HLCS: variants seen among roughly 807,000 people sequenced by gnomAD.
The protein encoded by HLCS is biotin--protein ligase.
HLCS carries 53 observed loss-of-function variants against 75.0 expected under a neutral mutation model. The ratio of observed to expected loss-of-function variants is 0.71; its 90% CI spans 0.57 to 0.89. The LOEUF (loss-of-function observed/expected upper bound fraction) is 0.89, where lower values mean the gene tolerates loss of function less well. Ranked by LOEUF, HLCS falls within the 40% of genes least tolerant of loss-of-function variation. HLCS has a pLI of 0.00. For missense variants in HLCS, 966 were observed against 1,074.0 expected (o/e 0.90, Z 1.41); for synonymous variants, 431 against 428.6 (o/e 1.01, Z -0.07).
At position 36,935,602 on chromosome 21, in the gene HLCS, C is replaced by T. The variant is rs150033101; in HGVS notation, c.1437+847G>A. On this transcript the variant is annotated intron_variant, in intron 4 of 10. Transcript: ENST00000674895. ...CTTCTGGACAAAATATCTACATCTG[C>T]GTAGTTTTCTCATTAGAGCATCAAA... is the stretch of plus-strand genomic sequence containing the variant. Among the ~76,000 whole-genome samples the T allele has an allele frequency of 1.1e-4, 17 of 152,282 alleles. No homozygotes were observed. In the East Asian group the frequency reaches 2.5e-3, roughly 22 times the overall value.
chr21:36,911,753 A>C (rs2065722618), intron 5 of HLCS, among the ~76,000 whole-genome samples: 1 of 149,550 alleles, frequency 6.7e-6, no homozygotes, highest in African/African-American at 2.4e-5. Context: ...CGTCTCAAAA[A>C]AAAAAAAAAA....
intron 6 of HLCS, among the ~76,000 whole-genome samples, chr21:36,818,338 A>G (rs2145989219): frequency 6.6e-6 from 1 of 152,350 alleles, no homozygotes; most frequent in East Asian, 1.9e-4. Flanking sequence ...AATGAGAACT[A>G]AAATGCATTA....
In HLCS at chr21:36,899,030, C is replaced by T. The variant is rs2065129521; in HGVS notation, c.1621-1899G>A. Among the ~76,000 whole-genome samples, 2 of 152,128 alleles carry T rather than the reference C, an allele frequency of 1.3e-5. 1 individual carries two copies. Among genetic ancestry groups the T allele is most frequent in the South Asian group, 4.2e-4 (2 of 4,816 alleles). ...GAGCCAAGATGGCGCCACTGCACTC[C>T]AGCCTGAGTGACAGAACCAAACCCT... is the stretch of plus-strand genomic sequence containing the variant. On this transcript the variant is annotated intron_variant, in intron 5 of 10. Transcript: ENST00000674895.
intron 5 of HLCS, among the ~76,000 whole-genome samples, chr21:36,912,569 A>G (rs1331567179): frequency 6.6e-6 from 1 of 152,202 alleles, no homozygotes; most frequent in East Asian, 1.9e-4. Context: ...GGAAATATAG[A>G]GTGAAAATGG....
At chr21:36,766,737 C>T (rs539596871) in intron 7 of HLCS, among the ~76,000 whole-genome samples, 90 of 152,198 alleles carry the variant, frequency 5.9e-4, no homozygotes, top group Non-Finnish European at 5.0e-4. Context: ...CAGCGCTCTG[C>T]TTCTCTGTGG....
intron 6 of HLCS, 104 bp from the exon 7 acceptor site, chr21:36,767,389 G>C: frequency 2.6e-6 from 3 of 1,144,564 alleles, no homozygotes; most frequent in Non-Finnish European, 4.0e-6. Flanking sequence ...GGGGGTGTGT[G>C]GCCATGGAAG....
intron 6 of HLCS, among the ~76,000 whole-genome samples, chr21:36,767,983 T>A (rs1158129626): frequency 6.6e-6 from 1 of 151,806 alleles, no homozygotes; most frequent in Non-Finnish European, 1.5e-5. Flanking sequence ...GATATTAACT[T>A]TTTTTCAAAA....
In HLCS at chr21:36,765,117, G is replaced by C; in HGVS notation, c.2016C>G (p.Leu672=). The C allele has an allele frequency of 6.2e-7, 1 of 1,614,110 alleles. No homozygotes were observed. The highest frequency in any genetic ancestry group is 8.5e-7 in the Non-Finnish European group (1 of 1,179,936). ...SPVGCALSTL[L]ISIPLRSQLG... ...GCTGGGATCTCAGTGGAATGGAGAT[G>C]AGCAGAGTAGAAAGAGCACATCCCA... The change falls in exon 8 of 11, where the codon CTC becomes CTG. Residue 672 remains leucine (L), a synonymous_variant. Coordinates refer to ENST00000674895, the MANE Select transcript of HLCS (RefSeq NM_001352514.2).
intron 5 of HLCS, among the ~76,000 whole-genome samples, chr21:36,912,612 T>C (rs1408116544): frequency 6.6e-6 from 1 of 152,212 alleles, no homozygotes; most frequent in African/African-American, 2.4e-5. Flanking sequence ...TTTACACCAC[T>C]GAATCGGAGA....
At chr21:36,960,968 TCAGA>T (rs2068258423) in intron 2 of HLCS, among the ~76,000 whole-genome samples, 1 of 152,068 alleles carries the variant, frequency 6.6e-6, no homozygotes, top group African/African-American at 2.4e-5. Context: ...TTTTCACAGC[TCAGA>T]CAAAAGATAA....
At chr21:36,852,243 T>C (rs1228566561) in intron 6 of HLCS, among the ~76,000 whole-genome samples, 1 of 152,238 alleles carries the variant, frequency 6.6e-6, no homozygotes, top group Non-Finnish European at 1.5e-5. Context: ...TAAGCGTCTC[T>C]CTAAGTTTAA....
chr21:36,783,179 C>CT (rs763575433), intron 6 of HLCS, among the ~76,000 whole-genome samples: 3 of 152,142 alleles, frequency 2.0e-5, no homozygotes, highest in Non-Finnish European at 4.4e-5. Flanking sequence ...GCTAGGCTCT[C>CT]AAACAATGCT....
chr21:36,845,022 T>C (rs970005203), intron 6 of HLCS, among the ~76,000 whole-genome samples: 1 of 152,102 alleles, frequency 6.6e-6, no homozygotes, highest in Non-Finnish European at 1.5e-5. Context: ...TGCAGGTTTC[T>C]TTTCAAGCTT....
chr21:36,878,508 G>A (rs1017716840), intron 6 of HLCS, among the ~76,000 whole-genome samples: 1 of 152,134 alleles, frequency 6.6e-6, no homozygotes, highest in African/African-American at 2.4e-5. Context: ...GTCAGAAATT[G>A]TACTGGCACT....
intron 8 of HLCS, among the ~76,000 whole-genome samples, chr21:36,760,183 C>G (rs568159430): frequency 6.6e-6 from 1 of 152,250 alleles, no homozygotes; most frequent in East Asian, 1.9e-4. Flanking sequence ...GAGTAGCTAA[C>G]TAACGTGCTA....
At chr21:36,898,238 T>C (rs1034397219) in intron 5 of HLCS, among the ~76,000 whole-genome samples, 4 of 151,530 alleles carry the variant, frequency 2.6e-5, no homozygotes, top group Admixed American at 2.6e-4. Flanking sequence ...CTCAGGTCAG[T>C]AGTTCAAGAC....
chr21:36,857,167 T>A (rs1044708190), intron 6 of HLCS, among the ~76,000 whole-genome samples: 1 of 152,198 alleles, frequency 6.6e-6, no homozygotes, highest in African/African-American at 2.4e-5. Flanking sequence ...AAAACCCGTA[T>A]CAGGATTGCT....
rs1403026133 is a variant in HLCS, at chr21:36,794,938, T to TA, written c.1893-27654dup. Among the ~76,000 whole-genome samples the TA allele has an allele frequency of 3.3e-5, 5 of 151,836 alleles. No homozygotes were observed. In the South Asian group the frequency reaches 6.3e-4, roughly 19 times the overall value. On this transcript the variant is annotated intron_variant, in intron 6 of 10. Transcript: ENST00000674895. ...GGAGGGTGGAATCTGGTGCTGGACT[T>TA]AGATGTAGCAAGCATAAGATGCCTA...
At position 36,795,270 on chromosome 21, in the gene HLCS, C is replaced by T. The variant is rs116189654; in HGVS notation, c.1893-27985G>A. ...CGCAAAAAAGAGAAGAAAGGAAATG[C>T]GCTTCGTCTTCTGCGAGGACACATT... On this transcript the variant is annotated intron_variant, in intron 6 of 10. Transcript: ENST00000674895. Among the ~76,000 whole-genome samples, 192 of 152,302 alleles carry T rather than the reference C, an allele frequency of 1.3e-3. 1 individual carries two copies. The highest frequency in any genetic ancestry group is 3.9e-3 in the South Asian group (19 of 4,824).
Sources: gnomAD v4.1 joint callset for allele counts (sites outside exome capture counted in the v4.1 genomes callset) on GRCh38, gnomAD v4.1.1 for gene constraint, MANE v1.5 for transcripts, NCBI Gene and HGNC (gene_info 2026-07-23, HGNC 2026-07-21) for gene names.